Variants in ACSL1 observed in about 807,000 individuals in gnomAD.
ACSL1 encodes the protein acyl-CoA synthetase long chain family member 1.
Under a neutral mutation model 98.4 loss-of-function variants are expected in ACSL1, and 41 were observed. That is an observed-to-expected ratio of 0.42 (90% confidence interval 0.32 to 0.54). The LOEUF is 0.54. Among genes scored for constraint, ACSL1 ranks in the 20% least tolerant of loss-of-function variants. The pLI is 0.13. For missense variants in ACSL1, 734 were observed against 883.1 expected, an observed-to-expected ratio of 0.83 and a Z score of 2.14; for synonymous variants, 316 against 322.7, an observed-to-expected ratio of 0.98 and a Z score of 0.22.
At chr4:184,782,017 C>T (rs1343372866) in intron 4 of ACSL1, among the ~76,000 whole-genome samples, 1 of 152,116 alleles carries the variant, frequency 6.6e-6, no homozygotes, top group Admixed American at 6.6e-5. Flanking sequence ...GCCTGGAACC[C>T]TACTGGTTCT....
rs776653303 is a variant in ACSL1, at chr4:184,757,872, A to G, written c.1831T>C (p.Trp611Arg). Residue 611 changes from tryptophan to arginine, a missense_variant, in exon 19 of 21, where the codon TGG (tryptophan) becomes CGG (arginine). Trp to Arg is a moderately radical substitution (Grantham distance 101). Coordinates refer to ENST00000281455, the MANE Select transcript of ACSL1 (RefSeq NM_001995.5). The surrounding 1 kb of genome is among the most constrained non-coding windows in gnomAD (Gnocchi z 4.5). ...VVPDVETLCS[W>R]AQKRGFEGSF... ...CCTTCAAATCCTCTCTTTTGGGCCC[A>G]GGAACATAATGTCTCAACATCTGGT... 1 of 1,614,090 alleles carries G rather than the reference A, an allele frequency of 6.2e-7. No individual in the cohort carries two copies. Among genetic ancestry groups the G allele is most frequent in the South Asian group, 1.1e-5 (1 of 91,086 alleles).
Position 184,780,638 on chromosome 4 carries a change from C to T in ACSL1, c.376-205G>A, listed in dbSNP as rs111994943. Reference sequence around the variant, plus strand: ...AGAAATCAGAATTAAGAGAACTGACCGCAGGGTTCCTTCTGCAAAGAAAAT... The same window carrying T: ...AGAAATCAGAATTAAGAGAACTGACTGCAGGGTTCCTTCTGCAAAGAAAAT... On this transcript the variant is annotated intron_variant, in intron 4 of 20. Coordinates refer to ENST00000281455, the MANE Select transcript of ACSL1 (RefSeq NM_001995.5). Among the ~76,000 whole-genome samples the T allele has an allele frequency of 1.4e-3, 208 of 152,232 alleles. 3 individuals carry two copies. Among genetic ancestry groups the T allele is most frequent in the African/African-American group, 4.1e-3 (170 of 41,540 alleles).
At chr4:184,814,867 CT>C (rs1305426603) in intron 1 of ACSL1, 5 of 374,676 alleles carry the variant, frequency 1.3e-5, no homozygotes, top group Non-Finnish European at 5.3e-6. Flanking sequence ...ATGTGAGCCA[CT>C]TCCACTTTCG....
chr4:184,782,931 C>G (rs1002161807), intron 4 of ACSL1, among the ~76,000 whole-genome samples: 40 of 152,130 alleles, frequency 2.6e-4, no homozygotes, highest in African/African-American at 9.4e-4. Flanking sequence ...CAGACGCACC[C>G]CAAATACACC....
In ACSL1 at chr4:184,803,779, C is replaced by T. The variant is rs948731631; in HGVS notation, c.-32-233G>A. ...CCATTACCTTGTATTGAAAAAACCC[C>T]ATTCTCTTCCTTTCATTAACCATAT... On this transcript the variant is annotated intron_variant, in intron 1 of 20. Coordinates refer to ENST00000281455, the MANE Select transcript of ACSL1 (RefSeq NM_001995.5). This position sits in a 1 kb window ranked among gnomAD's most constrained non-coding sequence, Gnocchi z 4.8. Among the ~76,000 whole-genome samples, 1 of 152,154 alleles carries T rather than the reference C, an allele frequency of 6.6e-6. No homozygotes were observed. Among genetic ancestry groups the T allele is most frequent in the Non-Finnish European group, 1.5e-5 (1 of 68,028 alleles).
rs1164852720 is a variant in ACSL1, at chr4:184,766,074, G to T, written c.1264-88C>A. On this transcript the variant is annotated intron_variant, in intron 13 of 20. Transcript: ENST00000281455. The surrounding 1 kb of genome is among the most constrained non-coding windows in gnomAD (Gnocchi z 4.8). Reference sequence around the variant, plus strand: ...GCCAAGGGGGCCTGCTTGGGACCCCGTTCCCTAACCCATAGCTGCAGACCA... The same window carrying T: ...GCCAAGGGGGCCTGCTTGGGACCCCTTTCCCTAACCCATAGCTGCAGACCA... 7 of 1,272,876 alleles carry T rather than the reference G, an allele frequency of 5.5e-6. No homozygotes were observed. In the East Asian group the frequency reaches 9.5e-5, roughly 17 times the overall value. 78.8% of individuals were successfully genotyped at this position (1,272,876 alleles called of 1,614,324 possible). A position where few individuals can be genotyped will look rare whatever the true frequency, so the allele number is the denominator to read the frequency against.
At chr4:184,814,820 C>T (rs769317387) in intron 1 of ACSL1, among the ~76,000 whole-genome samples, 29 of 152,286 alleles carry the variant, frequency 1.9e-4, no homozygotes, top group Non-Finnish European at 3.5e-4. Flanking sequence ...TTTGCCCCGT[C>T]TGCCCACGCT....
chr4:184,762,315 C>A, intron 17 of ACSL1, 92 bp downstream of exon 17: 1 of 1,062,354 alleles, frequency 9.4e-7, no homozygotes, highest in Non-Finnish European at 1.5e-6. Context: ...ATTCAGGGTG[C>A]CACTGCCACA....
At chr4:184,823,934 T>C (rs1347324073) in intron 1 of ACSL1, among the ~76,000 whole-genome samples, 3 of 152,240 alleles carry the variant, frequency 2.0e-5, no homozygotes, top group African/African-American at 7.2e-5. Context: ...TCTACCTGCA[T>C]GGTATAAATA....
intron 1 of ACSL1, among the ~76,000 whole-genome samples, chr4:184,806,101 G>A (rs868446549): frequency 2.0e-5 from 3 of 152,188 alleles, no homozygotes; most frequent in Non-Finnish European, 4.4e-5. Context: ...TTGGCCAGGC[G>A]CTGGGAAGAC....
Position 184,825,502 on chromosome 4 carries a change from G to A in ACSL1, c.-33+414C>T, listed in dbSNP as rs1193888813. On this transcript the variant is annotated intron_variant, in intron 1 of 20. Transcript: ENST00000281455. This position sits in a 1 kb window ranked among gnomAD's most constrained non-coding sequence, Gnocchi z 4.7. ...GCCCGCGAGCCCGGCCTCTGGGCAG[G>A]CGGGGGCCGCGGACGAGGGCAACGT... Among the ~76,000 whole-genome samples the A allele has an allele frequency of 6.6e-6, 1 of 151,890 alleles. No homozygotes were observed. Among genetic ancestry groups the A allele is most frequent in the Admixed American group, 6.6e-5 (1 of 15,266 alleles).
intron 1 of ACSL1, among the ~76,000 whole-genome samples, chr4:184,808,898 G>C (rs1215893133): frequency 6.6e-6 from 1 of 152,212 alleles, no homozygotes; most frequent in Non-Finnish European, 1.5e-5. Flanking sequence ...CTCCCTGACT[G>C]TGGTCACTGC....
chr4:184,801,806 C>T (rs1162237224), intron 2 of ACSL1, among the ~76,000 whole-genome samples: 4 of 152,178 alleles, frequency 2.6e-5, no homozygotes, highest in Non-Finnish European at 5.9e-5. Flanking sequence ...CTAGAGAGAA[C>T]ATATGTAATT....
At chr4:184,810,727 G>A (rs1382637630) in intron 1 of ACSL1, among the ~76,000 whole-genome samples, 4 of 152,124 alleles carry the variant, frequency 2.6e-5, no homozygotes, top group Admixed American at 2.6e-4. Flanking sequence ...CAAGCGGATA[G>A]GATAGGATAG....
In ACSL1 at chr4:184,776,786, C is replaced by T. The variant is rs1349231593; in HGVS notation, c.577+98G>A. 3.4e-6 allele frequency: 5 copies of T among 1,492,348 alleles called. No individual in the cohort carries two copies. In the African/African-American group the frequency reaches 5.6e-5, roughly 17 times the overall value. The allele number at this position is 1,492,348 out of a possible 1,614,324, so 92.4% of individuals were successfully genotyped here. On this transcript the variant is annotated intron_variant, in intron 6 of 20. Transcript: ENST00000281455. ...GAATAAAAAGGTAGATATATATTTA[C>T]ATGTAAAATCTTTGTCAAATCAAAT...
At chr4:184,778,275 C>G (rs956924422) in intron 5 of ACSL1, among the ~76,000 whole-genome samples, 53 of 152,200 alleles carry the variant, frequency 3.5e-4, no homozygotes, top group African/African-American at 1.3e-3. Context: ...AAAGGCACAG[C>G]CGGGGGAAGG....
intron 10 of ACSL1, among the ~76,000 whole-genome samples, chr4:184,771,208 A>T (rs1764465825): frequency 6.6e-6 from 1 of 152,238 alleles, no homozygotes; most frequent in Non-Finnish European, 1.5e-5. Context: ...GGCTTTAATC[A>T]AAACAAGGAA....
intron 3 of ACSL1, among the ~76,000 whole-genome samples, chr4:184,787,610 T>C (rs1767614618): frequency 6.6e-6 from 1 of 152,084 alleles, no homozygotes. Flanking sequence ...GCGCCTGTAA[T>C]TCCAGCACTT....
At chr4:184,810,270 A>C (rs1309328307) in intron 1 of ACSL1, among the ~76,000 whole-genome samples, 2 of 152,212 alleles carry the variant, frequency 1.3e-5, no homozygotes, top group Non-Finnish European at 2.9e-5. Flanking sequence ...AGGACCCATG[A>C]CTAGGACTGG....
Sources: gnomAD v4.1 joint callset for allele counts (sites outside exome capture counted in the v4.1 genomes callset) on GRCh38, gnomAD v4.1.1 for gene constraint, Gnocchi (gnomAD v3.1) non-coding constraint, MANE v1.5 for transcripts, NCBI Gene and HGNC (gene_info 2026-07-23, HGNC 2026-07-21) for gene names.